Variants in CTNND2 observed in about 807,000 individuals in gnomAD.
CTNND2 encodes catenin delta-2.
Under a neutral mutation model 144.4 loss-of-function variants are expected in CTNND2, and 22 were observed. That is an observed-to-expected ratio of 0.15 (90% CI 0.11 to 0.22). The LOEUF is 0.22. CTNND2 is among the 10% of genes least tolerant of loss of function. The pLI, the probability that CTNND2 is intolerant of heterozygous loss-of-function variation, is 1.00. For missense variants in CTNND2, 1,353 were observed against 1,618.8 expected (o/e 0.84, Z 2.82); for synonymous variants, 751 against 695.6 (o/e 1.08, Z -1.25).
chr5:11,668,545 T>C (rs934237692), intron 2 of CTNND2, among the ~76,000 whole-genome samples: 1 of 144,792 alleles, frequency 6.9e-6, no homozygotes, highest in Non-Finnish European at 1.5e-5. Context: ...GGGAGTTCAC[T>C]CATGATTTGG....
chr5:11,486,218 AG>A (rs1768803270), intron 3 of CTNND2, among the ~76,000 whole-genome samples: 2 of 152,232 alleles, frequency 1.3e-5, no homozygotes, highest in Admixed American at 1.3e-4. Flanking sequence ...AAAATCCAGT[AG>A]ATCATACTAG....
At chr5:11,745,886 A>C (rs1737424282) in intron 1 of CTNND2, among the ~76,000 whole-genome samples, 1 of 152,202 alleles carries the variant, frequency 6.6e-6, no homozygotes, top group South Asian at 2.1e-4. Flanking sequence ...CCAATTACAC[A>C]TAATCATGTA....
chr5:11,136,008 T>G (rs1307151152), intron 12 of CTNND2, among the ~76,000 whole-genome samples: 1 of 152,238 alleles, frequency 6.6e-6, no homozygotes, highest in East Asian at 1.9e-4. Context: ...GTGATGGTAT[T>G]AAGTGAGACA....
intron 9 of CTNND2, among the ~76,000 whole-genome samples, chr5:11,305,774 G>A (rs1015282704): frequency 6.6e-6 from 1 of 152,240 alleles, no homozygotes; most frequent in African/African-American, 2.4e-5. Context: ...AGATGGGCAG[G>A]TGGTGCTGAG....
chr5:11,755,094 A>G (rs1286799603), intron 1 of CTNND2, among the ~76,000 whole-genome samples: 9 of 151,714 alleles, frequency 5.9e-5, no homozygotes, highest in African/African-American at 1.2e-4. Flanking sequence ...TTTCCTTTCC[A>G]TAATTAGCAC....
chr5:10,991,050 C>T (rs1193210549), intron 19 of CTNND2, among the ~76,000 whole-genome samples: 2 of 152,242 alleles, frequency 1.3e-5, no homozygotes, highest in Non-Finnish European at 2.9e-5. Context: ...TAAGAGGCCA[C>T]CTCCATGCTT....
At chr5:11,760,669 A>T (rs1239011946) in intron 1 of CTNND2, among the ~76,000 whole-genome samples, 3 of 152,186 alleles carry the variant, frequency 2.0e-5, no homozygotes, top group Non-Finnish European at 4.4e-5. Context: ...TAGGGAGTGG[A>T]GCAGTAAGAA....
intron 9 of CTNND2, among the ~76,000 whole-genome samples, chr5:11,298,864 C>G (rs748376695): frequency 6.6e-6 from 1 of 152,130 alleles, no homozygotes; most frequent in Non-Finnish European, 1.5e-5. Context: ...GTGATAGTAC[C>G]TCAGAGGGTT....
At chr5:11,678,616 C>G (rs1022135397) in intron 2 of CTNND2, among the ~76,000 whole-genome samples, 89 of 152,126 alleles carry the variant, frequency 5.9e-4, no homozygotes, top group Non-Finnish European at 6.0e-4. Context: ...GGGAACTGAG[C>G]TTAACATGAG....
chr5:11,281,319 T>C (rs1747089617), intron 9 of CTNND2, among the ~76,000 whole-genome samples: 2 of 152,168 alleles, frequency 1.3e-5, no homozygotes, highest in South Asian at 4.1e-4. Flanking sequence ...GTTCACGAAC[T>C]CCATCAATTT....
At chr5:11,564,898 C>G (rs756869179) in intron 3 of CTNND2, 46 bp downstream of exon 3, 2 of 1,299,876 alleles carry the variant, frequency 1.5e-6, no homozygotes. Flanking sequence ...GATTTACTTG[C>G]AGGGGCAACT....
intron 3 of CTNND2, among the ~76,000 whole-genome samples, chr5:11,436,465 T>A (rs1276918994): frequency 1.3e-5 from 2 of 152,226 alleles, no homozygotes; most frequent in African/African-American, 2.4e-5. Context: ...TTATAGATTG[T>A]TCTTAGTGAC....
intron 1 of CTNND2, among the ~76,000 whole-genome samples, chr5:11,792,119 G>T (rs984460921): frequency 2.6e-5 from 4 of 152,076 alleles, no homozygotes; most frequent in Admixed American, 1.3e-4. Context: ...AGACCATGCG[G>T]TCTCAAAGTT....
At chr5:11,356,957 A>T (rs1298769461) in intron 8 of CTNND2, among the ~76,000 whole-genome samples, 1 of 152,150 alleles carries the variant, frequency 6.6e-6, no homozygotes, top group African/African-American at 2.4e-5. Context: ...CATCAGGGAA[A>T]TGTGAATCAA....
intron 2 of CTNND2, among the ~76,000 whole-genome samples, chr5:11,660,643 G>A (rs1164202877): frequency 6.6e-6 from 1 of 152,126 alleles, no homozygotes; most frequent in Non-Finnish European, 1.5e-5. Context: ...GGAAAAACAA[G>A]TTGAGAAAGA....
At chr5:11,309,449 T>C (rs1750580805) in intron 9 of CTNND2, among the ~76,000 whole-genome samples, 1 of 152,156 alleles carries the variant, frequency 6.6e-6, no homozygotes. Flanking sequence ...GGTTGTAAAC[T>C]TGAATGGAGC....
chr5:11,847,798 T>C (rs912216802), intron 1 of CTNND2, among the ~76,000 whole-genome samples: 1 of 152,026 alleles, frequency 6.6e-6, no homozygotes, highest in African/African-American at 2.4e-5. Flanking sequence ...TAAAAAGAAA[T>C]TAACTATGTG....
chr5:11,368,431 C>A (rs1223847440), intron 7 of CTNND2, among the ~76,000 whole-genome samples: 1 of 152,006 alleles, frequency 6.6e-6, no homozygotes, highest in Non-Finnish European at 1.5e-5. Flanking sequence ...AGGGTTCAGT[C>A]CTATGGCAGG....
intron 1 of CTNND2, among the ~76,000 whole-genome samples, chr5:11,797,038 G>A (rs1561805055): frequency 6.6e-6 from 1 of 152,154 alleles, no homozygotes; most frequent in East Asian, 1.9e-4. Context: ...TCTACTAGCA[G>A]TAAAAAGGCA....
Sources: gnomAD v4.1 joint callset for allele counts (sites outside exome capture counted in the v4.1 genomes callset) on GRCh38, gnomAD v4.1.1 for gene constraint, MANE v1.5 for transcripts, NCBI Gene and HGNC (gene_info 2026-07-23, HGNC 2026-07-21) for gene names.